The following FABP12 variants were observed in gnomAD, a reference collection of about 807,000 sequenced individuals.
The protein encoded by FABP12 is fatty acid binding protein 12.
In FABP12, 19 loss-of-function variants were observed where a neutral mutation model predicts 13.7. The ratio of observed to expected loss-of-function variants is 1.39; its 90% confidence interval spans 0.97 to 2.04. The LOEUF (loss-of-function observed/expected upper bound fraction) is 2.04. Among genes scored for constraint, FABP12 ranks in the 30% most tolerant of loss-of-function variants. The probability of loss-of-function intolerance (pLI) is 0.00; values close to 1 mark genes in which losing one functional copy is unlikely to be tolerated. For missense variants in FABP12, 182 were observed against 164.2 expected, an observed-to-expected ratio of 1.11 and a Z score of -0.59; for synonymous variants, 61 against 57.0, an observed-to-expected ratio of 1.07 and a Z score of -0.32.
At chr8:81,577,867 T>G (rs79556582) in intron 1 of FABP12, among the ~76,000 whole-genome samples, 8,152 of 152,320 alleles carry the variant, frequency 0.054, 252 homozygotes, top group South Asian at 0.1. Flanking sequence ...GTTTTGTGTT[T>G]AAATCTTATT....
intron 1 of FABP12, among the ~76,000 whole-genome samples, chr8:81,557,939 G>T (rs1200788514): frequency 6.6e-6 from 1 of 152,118 alleles, no homozygotes; most frequent in Non-Finnish European, 1.5e-5. Flanking sequence ...TCATGGCCTT[G>T]GCCCTCCCTG....
chr8:81,544,073 A>G (rs1227791792), intron 1 of FABP12, among the ~76,000 whole-genome samples: 1 of 152,206 alleles, frequency 6.6e-6, no homozygotes. Context: ...TCTAGGTTAC[A>G]GTGTAAAGTA....
chr8:81,588,716 A>T (rs1186597940), intron 1 of FABP12, among the ~76,000 whole-genome samples: 3 of 152,174 alleles, frequency 2.0e-5, no homozygotes, highest in Non-Finnish European at 4.4e-5. Flanking sequence ...TAAGCATTCT[A>T]GTATTATTTT....
chr8:81,576,460 GTA>G (rs535758860), intron 1 of FABP12, among the ~76,000 whole-genome samples: 108 of 152,082 alleles, frequency 7.1e-4, no homozygotes, highest in African/African-American at 2.5e-3. Context: ...AGGGCCTTGA[GTA>G]TGTTTCCAGA....
chr8:81,535,351 G>A (rs1270355737), upstream of FABP12, among the ~76,000 whole-genome samples: 3 of 152,234 alleles, frequency 2.0e-5, no homozygotes, highest in Non-Finnish European at 2.9e-5. Context: ...GAGGATAGCA[G>A]TGAAGAAGGT....
In FABP12 at chr8:81,576,820, G is replaced by A. The variant is rs534968427; in HGVS notation, c.-185+13233C>T. On this transcript the variant is annotated intron_variant, in intron 1 of 5. Coordinates refer to the FABP12 transcript ENST00000692030. ...GGAGTTCTATTCCATGTCTACATCA[G>A]TAGGCCATCCAGGCAAATGCAGCAA... 2.6e-5 allele frequency among the ~76,000 whole-genome samples: 4 copies of A among 152,254 alleles called. No homozygotes were observed. In the East Asian group the frequency reaches 7.7e-4, roughly 29 times the overall value.
chr8:81,545,179 C>G lies in FABP12; in HGVS notation c.-184-5436G>C, dbSNP rs558251430. 2.0e-5 allele frequency among the ~76,000 whole-genome samples: 3 copies of G among 152,260 alleles called. No individual in the cohort carries two copies. The East Asian group carries it at 5.8e-4, about 29-fold the overall frequency. On this transcript the variant is annotated intron_variant, in intron 1 of 5. Coordinates refer to the FABP12 transcript ENST00000692030. ...GAGATTACAGGCACCTGCCACCATGCCCGACTAGAGGTTGGGTAACTCTTG... is the reference window on the plus strand; with the variant it reads ...GAGATTACAGGCACCTGCCACCATGGCCGACTAGAGGTTGGGTAACTCTTG...
intron 1 of FABP12, among the ~76,000 whole-genome samples, chr8:81,582,738 G>A (rs1298118800): frequency 6.6e-6 from 1 of 152,152 alleles, no homozygotes; most frequent in East Asian, 1.9e-4. Flanking sequence ...GGGAGAGAGA[G>A]ACTGTAATAC....
intron 1 of FABP12, among the ~76,000 whole-genome samples, chr8:81,578,023 G>C (rs1045186504): frequency 9.2e-5 from 14 of 152,178 alleles, no homozygotes; most frequent in Non-Finnish European, 1.3e-4. Flanking sequence ...AAGGTTGATT[G>C]TGGTATATTA....
chr8:81,582,721 A>G (rs1033293874), intron 1 of FABP12, among the ~76,000 whole-genome samples: 1 of 152,182 alleles, frequency 6.6e-6, no homozygotes, highest in African/African-American at 2.4e-5. Flanking sequence ...ATATTACTAG[A>G]TTTAAAGGGA....
chr8:81,551,369 C>T (rs1402124024), intron 1 of FABP12, among the ~76,000 whole-genome samples: 1 of 152,134 alleles, frequency 6.6e-6, no homozygotes, highest in African/African-American at 2.4e-5. Flanking sequence ...CTATTATTCT[C>T]AAAGTTTTGC....
At chr8:81,564,265 T>C (rs1033767016) in intron 1 of FABP12, among the ~76,000 whole-genome samples, 8 of 152,274 alleles carry the variant, frequency 5.3e-5, no homozygotes, top group African/African-American at 1.7e-4. Flanking sequence ...ACCTGTTCTA[T>C]AAGAAATGCT....
intron 2 of FABP12, 135 bp from the exon 3 acceptor site, chr8:81,529,745 G>A (rs1809012495): frequency 7.3e-6 from 6 of 819,352 alleles, no homozygotes; most frequent in Non-Finnish European, 1.1e-5. Context: ...CTAACTAGGA[G>A]GTTTGCGAAT....
chr8:81,525,376 G>A (rs1416078119), intron 4 of FABP12, among the ~76,000 whole-genome samples: 1 of 151,974 alleles, frequency 6.6e-6, no homozygotes, highest in Admixed American at 6.6e-5. Flanking sequence ...ATTAGCCGGG[G>A]ATGATGGCAT....
At chr8:81,585,634 G>A (rs76342363) in intron 1 of FABP12, among the ~76,000 whole-genome samples, 4,215 of 152,136 alleles carry the variant, frequency 0.028, 91 homozygotes, top group South Asian at 0.087. Flanking sequence ...TGGCATTTTG[G>A]TAGGAATTTT....
chr8:81,584,985 C>A (rs191354213), intron 1 of FABP12, among the ~76,000 whole-genome samples: 2 of 152,182 alleles, frequency 1.3e-5, no homozygotes, highest in Admixed American at 1.3e-4. Context: ...GGTTATAAAT[C>A]CCTTGTCAGA....
chr8:81,533,631 T>C (rs918560069), intron 1 of FABP12, among the ~76,000 whole-genome samples, 171 bp downstream of exon 1: 5 of 152,184 alleles, frequency 3.3e-5, no homozygotes, highest in African/African-American at 9.7e-5. Flanking sequence ...CATTTTTAAC[T>C]TGCCTCCACA....
chr8:81,576,768 T>C (rs1247294516), intron 1 of FABP12, among the ~76,000 whole-genome samples: 1 of 152,226 alleles, frequency 6.6e-6, no homozygotes, highest in Non-Finnish European at 1.5e-5. Flanking sequence ...TTCTAGCTCA[T>C]GCTATATGTT....
intron 1 of FABP12, among the ~76,000 whole-genome samples, chr8:81,556,058 C>T (rs969071524): frequency 6.6e-6 from 1 of 152,106 alleles, no homozygotes; most frequent in African/African-American, 2.4e-5. Flanking sequence ...GCCACAAACA[C>T]AGTGCCTTGG....
Sources: allele counts gnomAD v4.1 joint callset (sites outside exome capture counted in the v4.1 genomes callset), GRCh38; gene constraint gnomAD v4.1.1; transcripts MANE v1.5; gene names NCBI Gene and HGNC (gene_info 2026-07-23, HGNC 2026-07-21).